The following ZBTB20 variants were observed in gnomAD, a reference collection of about 807,000 sequenced individuals.
ZBTB20 encodes zinc finger and BTB domain containing 20.
In ZBTB20, 9 loss-of-function variants were observed where a neutral mutation model predicts 56.9. The observed-to-expected ratio is 0.16, with a 90% CI of 0.10 to 0.28. The LOEUF is 0.28. ZBTB20 is among the 10% of genes least tolerant of loss of function. The pLI is 1.00. For synonymous variants in ZBTB20, 417 were observed against 420.7 expected, an observed-to-expected ratio of 0.99 and a Z score of 0.11; for missense variants, 655 against 1,003.0, an observed-to-expected ratio of 0.65 and a Z score of 4.69.
At chr3:114,402,139 C>G (rs1256489423) in intron 7 of ZBTB20, among the ~76,000 whole-genome samples, 2 of 152,150 alleles carry the variant, frequency 1.3e-5, no homozygotes, top group African/African-American at 2.4e-5. Flanking sequence ...TAACATGAAA[C>G]AGTGGACTAG....
intron 6 of ZBTB20, among the ~76,000 whole-genome samples, chr3:114,605,567 T>C (rs906087462): frequency 6.6e-6 from 1 of 152,160 alleles, no homozygotes; most frequent in African/African-American, 2.4e-5. Flanking sequence ...AAAGACATAA[T>C]TTTTGCCCCC....
intron 8 of ZBTB20, chr3:114,388,252 CT>C: frequency 6.6e-6 from 1 of 152,294 alleles, no homozygotes; most frequent in South Asian, 2.1e-4. Context: ...ATTCAAATGA[CT>C]GGCTTTTCTA....
chr3:114,348,479 T>C (rs952382736), intron 11 of ZBTB20, among the ~76,000 whole-genome samples: 1 of 152,256 alleles, frequency 6.6e-6, no homozygotes, highest in African/African-American at 2.4e-5. Flanking sequence ...TGGTTATTAG[T>C]ACATTCACAT....
chr3:114,569,022 C>T (rs1416307415), intron 6 of ZBTB20, among the ~76,000 whole-genome samples: 1 of 152,182 alleles, frequency 6.6e-6, no homozygotes, highest in Non-Finnish European at 1.5e-5. Flanking sequence ...ACATTTTCCC[C>T]CAATCAAGTT....
intron 3 of ZBTB20, among the ~76,000 whole-genome samples, chr3:114,974,100 T>C (rs2078001572): frequency 2.7e-5 from 4 of 146,024 alleles, no homozygotes; most frequent in Admixed American, 2.0e-4. Flanking sequence ...AGGGACATAA[T>C]ACATAATGAA....
chr3:114,399,272 G>A (rs1030940874), intron 7 of ZBTB20, among the ~76,000 whole-genome samples: 2 of 151,956 alleles, frequency 1.3e-5, no homozygotes, highest in African/African-American at 4.8e-5. Flanking sequence ...TATAACCTGT[G>A]GAGTATTTTG....
intron 4 of ZBTB20, among the ~76,000 whole-genome samples, chr3:114,817,136 G>C (rs2072970752): frequency 6.6e-6 from 1 of 152,002 alleles, no homozygotes; most frequent in South Asian, 2.1e-4. Context: ...CTCCGTGTGT[G>C]TGTGTATAAA....
chr3:114,774,270 C>A (rs1433432943), intron 5 of ZBTB20, among the ~76,000 whole-genome samples: 1 of 151,996 alleles, frequency 6.6e-6, no homozygotes, highest in East Asian at 1.9e-4. Context: ...ATTTAAAATT[C>A]TTATAGAAAC....
At chr3:114,801,504 T>TA (rs1272654344) in intron 4 of ZBTB20, among the ~76,000 whole-genome samples, 12 of 150,490 alleles carry the variant, frequency 8.0e-5, no homozygotes, top group Admixed American at 4.0e-4. Context: ...ATATTCTGAT[T>TA]AAAAAAAAAC....
intron 4 of ZBTB20, among the ~76,000 whole-genome samples, chr3:114,812,956 T>C (rs575002659): frequency 6.7e-6 from 1 of 149,108 alleles, no homozygotes; most frequent in East Asian, 1.9e-4. Context: ...GAGTGCGGGG[T>C]CCGTCTAGCC....
chr3:114,483,881 A>G (rs1471329072), intron 7 of ZBTB20, among the ~76,000 whole-genome samples: 1 of 151,976 alleles, frequency 6.6e-6, no homozygotes, highest in Admixed American at 6.5e-5. Context: ...CAAAAATTGC[A>G]AGAGTAGTAC....
At chr3:115,023,253 T>A (rs949725569) in intron 2 of ZBTB20, among the ~76,000 whole-genome samples, 15 of 151,084 alleles carry the variant, frequency 9.9e-5, no homozygotes, top group Admixed American at 2.0e-4. Flanking sequence ...TATCTTTTTT[T>A]AAAAAATGGA....
chr3:114,556,808 T>C (rs2051285817), intron 6 of ZBTB20, among the ~76,000 whole-genome samples: 1 of 152,076 alleles, frequency 6.6e-6, no homozygotes, highest in Admixed American at 6.6e-5. Context: ...ATCTTAACAA[T>C]TAATAAAATT....
At chr3:114,514,081 A>G (rs1361769877) in intron 6 of ZBTB20, among the ~76,000 whole-genome samples, 1 of 152,162 alleles carries the variant, frequency 6.6e-6, no homozygotes, top group African/African-American at 2.4e-5. Flanking sequence ...AATTCATGGT[A>G]TGTCTGGTCA....
Position 115,091,676 on chromosome 3 carries a change from T to TTA in ZBTB20, c.-702-20264_-702-20263dup, listed in dbSNP as rs142068157. Among the ~76,000 whole-genome samples, 832 of 148,388 alleles carry TTA rather than the reference T, an allele frequency of 5.6e-3. 5 individuals are homozygous for TTA. Among genetic ancestry groups the TTA allele is most frequent in the South Asian group, 0.019 (90 of 4,744 alleles). On this transcript the variant is annotated intron_variant, in intron 1 of 11. Coordinates refer to ENST00000675478, the MANE Select transcript of ZBTB20 (RefSeq NM_001348800.3). Reference sequence around the variant, plus strand: ...TATTTACAACAAAGAAATGTGTATTTTATATATATATATATAACACACACA... The same window carrying TTA: ...TATTTACAACAAAGAAATGTGTATTTTATATATATATATATATAACACACACA...
chr3:114,702,665 TTGTG>T lies in ZBTB20; in HGVS notation c.-342-9094_-342-9091del, dbSNP rs137914062. ...ATGGGACATAGTGCTTTAGTCTAAATTGTGTGTGTGTGTGTGTGTGTGTGTATGT... is the reference window on the plus strand; with the variant it reads ...ATGGGACATAGTGCTTTAGTCTAAATTGTGTGTGTGTGTGTGTGTGTATGT... On this transcript the variant is annotated intron_variant, in intron 5 of 11. Coordinates refer to ENST00000675478, the MANE Select transcript of ZBTB20 (RefSeq NM_001348800.3). Among the ~76,000 whole-genome samples the T allele has an allele frequency of 6.9e-3, 1,013 of 146,690 alleles. 5 individuals are homozygous for T. Among genetic ancestry groups the T allele is most frequent in the South Asian group, 0.033 (151 of 4,590 alleles).
intron 2 of ZBTB20, among the ~76,000 whole-genome samples, chr3:115,041,907 A>G (rs2081159342): frequency 6.6e-6 from 1 of 152,314 alleles, no homozygotes; most frequent in African/African-American, 2.4e-5. Context: ...AAGCGGCTAT[A>G]ATGAGCCTGC....
intron 5 of ZBTB20, among the ~76,000 whole-genome samples, chr3:114,784,295 C>T (rs1440079871): frequency 6.6e-6 from 1 of 152,184 alleles, no homozygotes; most frequent in Non-Finnish European, 1.5e-5. Flanking sequence ...TCATCTAGCT[C>T]AACATCATGG....
At chr3:114,447,864 A>C (rs2091362405) in intron 7 of ZBTB20, among the ~76,000 whole-genome samples, 1 of 152,278 alleles carries the variant, frequency 6.6e-6, no homozygotes. Context: ...GCCTAATGCC[A>C]TTTGGGATAT....
Sources: allele counts gnomAD v4.1 joint callset (sites outside exome capture counted in the v4.1 genomes callset), GRCh38; gene constraint gnomAD v4.1.1; transcripts MANE v1.5; gene names NCBI Gene and HGNC (gene_info 2026-07-23, HGNC 2026-07-21).